The following SEMA3C variants were observed in gnomAD, a reference collection of about 807,000 sequenced individuals.
The protein encoded by SEMA3C is semaphorin 3C.
A neutral mutation model predicts 89.4 loss-of-function variants in SEMA3C; 47 were observed. The observed-to-expected ratio is 0.53, with a 90% confidence interval of 0.42 to 0.67. The LOEUF (loss-of-function observed/expected upper bound fraction) is 0.67. SEMA3C is among the 30% of genes least tolerant of loss of function. The probability of loss-of-function intolerance (pLI) is 0.00; values close to 1 mark genes in which losing one functional copy is unlikely to be tolerated. For missense variants in SEMA3C, 839 were observed against 929.1 expected, an observed-to-expected ratio of 0.90 and a Z score of 1.26; for synonymous variants, 310 against 320.2, an observed-to-expected ratio of 0.97 and a Z score of 0.34.
In SEMA3C at chr7:80,794,982, T is replaced by C. The variant is rs1472750269; in HGVS notation, c.1131+3110A>G. On this transcript the variant is annotated intron_variant, in intron 11 of 17. Coordinates refer to ENST00000265361, the MANE Select transcript of SEMA3C (RefSeq NM_006379.5). ...CCTACAGGGAACATTAGAACGAGGG[T>C]ATGAGATTTCTGCCAGTCTCATTTC... Among the ~76,000 whole-genome samples the C allele has an allele frequency of 3.9e-5, 6 of 152,242 alleles. 1 individual carries two copies. In the East Asian group the frequency reaches 9.7e-4, roughly 25 times the overall value.
intron 2 of SEMA3C, among the ~76,000 whole-genome samples, chr7:80,871,446 C>T (rs1385321901): frequency 1.3e-5 from 2 of 152,132 alleles, no homozygotes; most frequent in Non-Finnish European, 2.9e-5. Flanking sequence ...AACTCCCATT[C>T]AAACATTATG....
intron 4 of SEMA3C, among the ~76,000 whole-genome samples, chr7:80,819,847 C>T (rs994652291): frequency 2.0e-5 from 3 of 152,094 alleles, no homozygotes; most frequent in Non-Finnish European, 4.4e-5. Flanking sequence ...CTTCACTATC[C>T]TTTGCTGACT....
intron 11 of SEMA3C, among the ~76,000 whole-genome samples, chr7:80,792,186 G>A (rs1475030775): frequency 6.6e-6 from 1 of 152,126 alleles, no homozygotes; most frequent in African/African-American, 2.4e-5. Flanking sequence ...AGACCAAAAT[G>A]AGGACAAAAA....
intron 13 of SEMA3C, among the ~76,000 whole-genome samples, chr7:80,763,437 T>G (rs982723386): frequency 6.6e-6 from 1 of 152,158 alleles, no homozygotes; most frequent in East Asian, 1.9e-4. Flanking sequence ...GGCACACACA[T>G]CAGTAAGAAA....
chr7:80,755,414 C>G (rs1321208761), intron 15 of SEMA3C, among the ~76,000 whole-genome samples: 1 of 148,614 alleles, frequency 6.7e-6, no homozygotes, highest in African/African-American at 2.5e-5. Context: ...ACAGTATGGA[C>G]TTTTACTTGA....
intron 4 of SEMA3C, 136 bp from the exon 5 acceptor site, chr7:80,818,554 G>A (rs1354229758): frequency 4.4e-6 from 4 of 919,352 alleles, no homozygotes; most frequent in African/African-American, 1.7e-5. Context: ...GTCCAGGGGC[G>A]TCCAATCTTT....
chr7:80,784,181 C>T (rs1788750474), intron 12 of SEMA3C, among the ~76,000 whole-genome samples: 1 of 151,796 alleles, frequency 6.6e-6, no homozygotes, highest in South Asian at 2.1e-4. Context: ...AACAAACAGC[C>T]TGGATGTAAG....
chr7:80,770,834 T>C (rs1486663979), intron 12 of SEMA3C, among the ~76,000 whole-genome samples: 1 of 152,230 alleles, frequency 6.6e-6, no homozygotes, highest in Non-Finnish European at 1.5e-5. Context: ...CCTCTTCTTC[T>C]TTCTGAAATC....
At chr7:80,877,453 T>C (rs889565909) in intron 2 of SEMA3C, among the ~76,000 whole-genome samples, 45 of 152,076 alleles carry the variant, frequency 3.0e-4, no homozygotes, top group Admixed American at 9.2e-4. Flanking sequence ...AGAAACACTT[T>C]CCTTTATAGT....
chr7:80,832,198 A>G (rs1790022697), intron 2 of SEMA3C, among the ~76,000 whole-genome samples: 1 of 152,138 alleles, frequency 6.6e-6, no homozygotes, highest in African/African-American at 2.4e-5. Flanking sequence ...GATGTATAGG[A>G]AACAGTTTGA....
rs1792341032 is a variant in SEMA3C at position 80,918,870 on chromosome 7, A to G, written c.-81T>C. 1 of 985,334 alleles carries G rather than the reference A, an allele frequency of 1.0e-6. No homozygotes were observed. The allele number at this position is 985,334 out of a possible 1,614,324, so 61.0% of individuals were successfully genotyped here. ...AGCACGGAAAAGTCATCAGTTTGCT[A>G]CCGGGGTTGGATGCGCTTGTGTCTC... On this transcript the variant is annotated 5_prime_UTR_variant, in exon 1 of 18. Coordinates refer to ENST00000265361, the MANE Select transcript of SEMA3C (RefSeq NM_006379.5).
intron 2 of SEMA3C, among the ~76,000 whole-genome samples, chr7:80,897,035 T>C (rs547765118): frequency 1.3e-5 from 2 of 152,122 alleles, no homozygotes; most frequent in South Asian, 2.1e-4. Flanking sequence ...CCGGAGAGCA[T>C]GGGGCTGTGG....
upstream of SEMA3C, chr7:80,919,219 G>C: frequency 8.1e-6 from 8 of 985,082 alleles, no homozygotes; most frequent in Non-Finnish European, 9.6e-6. Flanking sequence ...GAGCGCGCCC[G>C]CGAGAGCCTG....
chr7:80,754,957 GTTT>G (rs1368382376), intron 15 of SEMA3C, among the ~76,000 whole-genome samples: 1 of 108,368 alleles, frequency 9.2e-6, no homozygotes, highest in African/African-American at 3.5e-5. Flanking sequence ...GTTTTTTTTT[GTTT>G]TTTTTTTTTT....
chr7:80,773,024 C>A (rs779112516), intron 12 of SEMA3C, among the ~76,000 whole-genome samples: 2 of 152,046 alleles, frequency 1.3e-5, no homozygotes, highest in Non-Finnish European at 2.9e-5. Flanking sequence ...TGTGTTTGCT[C>A]AAACATTAAA....
At chr7:80,818,490 C>T in intron 4 of SEMA3C, 72 bp from the exon 5 acceptor site, 3 of 1,515,848 alleles carry the variant, frequency 2.0e-6, no homozygotes, top group Non-Finnish European at 9.0e-7. Context: ...CTATGTTAAC[C>T]TGAGATCTTG....
At chr7:80,749,551 ACT>A (rs1491254066) in intron 16 of SEMA3C, among the ~76,000 whole-genome samples, 1 of 152,158 alleles carries the variant, frequency 6.6e-6, no homozygotes, top group African/African-American at 2.4e-5. Context: ...GGTTGAGAAC[ACT>A]GTCTTTGGAA....
At chr7:80,770,704 G>C (rs1026510500) in intron 12 of SEMA3C, among the ~76,000 whole-genome samples, 3 of 152,198 alleles carry the variant, frequency 2.0e-5, no homozygotes, top group African/African-American at 7.2e-5. Flanking sequence ...TCCGGCTCCA[G>C]GGAGGCCCAC....
chr7:80,910,307 A>T (rs1245264821), intron 2 of SEMA3C, among the ~76,000 whole-genome samples: 1 of 152,230 alleles, frequency 6.6e-6, no homozygotes, highest in Admixed American at 6.5e-5. Context: ...GAGCTTAAAG[A>T]CAGCTCATTC....
Sources: gnomAD v4.1 joint callset for allele counts (sites outside exome capture counted in the v4.1 genomes callset) on GRCh38, gnomAD v4.1.1 for gene constraint, MANE v1.5 for transcripts, NCBI Gene and HGNC (gene_info 2026-07-23, HGNC 2026-07-21) for gene names.